SLC35F1: variants seen among roughly 807,000 people sequenced by gnomAD.
The protein encoded by SLC35F1 is solute carrier family 35 member F1.
SLC35F1 carries 14 observed loss-of-function variants against 48.7 expected under a neutral mutation model. The observed-to-expected ratio is 0.29, with a 90% CI of 0.19 to 0.45. SLC35F1 has a LOEUF of 0.45. Among genes scored for constraint, SLC35F1 ranks in the 20% least tolerant of loss-of-function variants. SLC35F1 has a pLI of 1.00. For missense variants in SLC35F1, 404 were observed against 500.0 expected (o/e 0.81, Z 1.83); for synonymous variants, 190 against 202.2 (o/e 0.94, Z 0.51).
At chr6:118,238,493 A>T (rs75252292) in intron 3 of SLC35F1, among the ~76,000 whole-genome samples, 1,996 of 151,736 alleles carry the variant, frequency 0.013, 28 homozygotes, top group African/African-American at 0.034. Flanking sequence ...TGGAACATCT[A>T]GTAAAAGGAT....
chr6:118,292,435 C>T (rs957646231), intron 7 of SLC35F1, among the ~76,000 whole-genome samples: 6 of 152,082 alleles, frequency 3.9e-5, no homozygotes, highest in Non-Finnish European at 5.9e-5. Context: ...GAGAGAGTAC[C>T]GAGGGGCCTC....
chr6:118,154,533 T>A lies in SLC35F1; in HGVS notation c.262T>A (p.Phe88Ile). 6.2e-7 allele frequency: 1 copy of A among 1,614,086 alleles called. No individual in the cohort carries two copies. Reference protein sequence around the residue: ...GLTSKYLSEDFHANTPVFQSF... With the variant: ...GLTSKYLSEDIHANTPVFQSF... ...GACTAGCAAGTATCTGTCAGAAGAT[T>A]TCCACGCCAACACACCAGTCTTCCA... Residue 88 changes from phenylalanine (F) to isoleucine (I), a missense_variant, in exon 2 of 8, where the codon TTC becomes ATC. Coordinates refer to ENST00000360388, the MANE Select transcript of SLC35F1 (RefSeq NM_001029858.4).
At chr6:118,134,335 C>T (rs1773761323) in intron 1 of SLC35F1, among the ~76,000 whole-genome samples, 1 of 152,172 alleles carries the variant, frequency 6.6e-6, no homozygotes, top group Admixed American at 6.5e-5. Flanking sequence ...ATGAAATTCT[C>T]CTCTCTGCCT....
chr6:117,990,316 T>C (rs9374693), intron 1 of SLC35F1, among the ~76,000 whole-genome samples: 91,611 of 151,760 alleles, frequency 0.6, 28,208 homozygotes, highest in East Asian at 0.78. Context: ...CTGGAGGCCA[T>C]TGGGAAGTGT....
intron 1 of SLC35F1, among the ~76,000 whole-genome samples, chr6:118,085,673 A>G (rs1225093487): frequency 6.8e-6 from 1 of 147,092 alleles, no homozygotes; most frequent in Non-Finnish European, 1.5e-5. Context: ...AAGATATGTC[A>G]TGCCAAATAT....
At chr6:117,971,617 C>G (rs1324675865) in intron 1 of SLC35F1, among the ~76,000 whole-genome samples, 3 of 152,242 alleles carry the variant, frequency 2.0e-5, no homozygotes, top group African/African-American at 7.2e-5. Context: ...TCCATACATC[C>G]TCTGAAATCT....
At chr6:118,204,728 C>A (rs1437929067) in intron 2 of SLC35F1, among the ~76,000 whole-genome samples, 1 of 152,192 alleles carries the variant, frequency 6.6e-6, no homozygotes, top group African/African-American at 2.4e-5. Flanking sequence ...ACAGAACCAC[C>A]TCTGTAACCA....
Position 118,314,617 on chromosome 6 carries a change from A to G in SLC35F1, c.*365A>G, listed in dbSNP as rs940857119. ...GAGGATGTTTTGTACTCCTGATGGAAACTATTGCCAGACCCACATGTAGTC... is the reference window on the plus strand; with the variant it reads ...GAGGATGTTTTGTACTCCTGATGGAGACTATTGCCAGACCCACATGTAGTC... On this transcript the variant is annotated 3_prime_UTR_variant, in exon 8 of 8. Transcript: ENST00000360388. The G allele has an allele frequency of 7.9e-6, 2 of 252,012 alleles. No homozygotes were observed. The highest frequency in any genetic ancestry group is 4.3e-5 in the African/African-American group (2 of 46,108). 15.6% of individuals were successfully genotyped at this position (252,012 alleles called of 1,614,324 possible). A position where few individuals can be genotyped will look rare whatever the true frequency, so the allele number is the denominator to read the frequency against.
intron 1 of SLC35F1, among the ~76,000 whole-genome samples, chr6:117,997,079 AG>A (rs1442026337): frequency 2.6e-5 from 4 of 152,188 alleles, no homozygotes; most frequent in African/African-American, 9.6e-5. Context: ...AAGTGCTTAA[AG>A]GAGCTGATGG....
intron 1 of SLC35F1, among the ~76,000 whole-genome samples, chr6:118,117,033 G>T (rs1773484651): frequency 6.6e-6 from 1 of 152,148 alleles, no homozygotes; most frequent in African/African-American, 2.4e-5. Context: ...ATTTGAGAGG[G>T]TTTGACTTTG....
At chr6:118,127,438 T>A (rs1773643605) in intron 1 of SLC35F1, among the ~76,000 whole-genome samples, 2 of 152,162 alleles carry the variant, frequency 1.3e-5, no homozygotes, top group South Asian at 4.1e-4. Context: ...TGGTCTAAAA[T>A]TCTCTTTTTT....
intron 1 of SLC35F1, among the ~76,000 whole-genome samples, chr6:118,070,209 C>T (rs993229413): frequency 3.3e-5 from 5 of 149,424 alleles, no homozygotes; most frequent in Admixed American, 3.3e-4. Context: ...ATACATTATG[C>T]AGTGGAGGCT....
intron 1 of SLC35F1, among the ~76,000 whole-genome samples, chr6:118,007,350 C>T (rs1777186785): frequency 1.3e-5 from 2 of 152,146 alleles, no homozygotes; most frequent in Non-Finnish European, 2.9e-5. Flanking sequence ...TAAATTTTAA[C>T]ATGAGTTTTG....
intron 7 of SLC35F1, among the ~76,000 whole-genome samples, chr6:118,297,642 A>AAAT (rs1562354672): frequency 1.1e-4 from 4 of 37,458 alleles, no homozygotes; most frequent in African/African-American, 5.0e-4. Context: ...ATATATAAAA[A>AAAT]ATATATATAT....
At chr6:118,021,214 G>A (rs774709183) in intron 1 of SLC35F1, among the ~76,000 whole-genome samples, 1 of 152,138 alleles carries the variant, frequency 6.6e-6, no homozygotes, top group African/African-American at 2.4e-5. Context: ...CTTGCAACAA[G>A]CAGTAATTGG....
chr6:118,080,391 C>T (rs1385842148), intron 1 of SLC35F1, among the ~76,000 whole-genome samples: 1 of 152,146 alleles, frequency 6.6e-6, no homozygotes, highest in Non-Finnish European at 1.5e-5. Context: ...GAGAGATTTT[C>T]AGTGTCCTTC....
intron 1 of SLC35F1, among the ~76,000 whole-genome samples, chr6:118,065,079 C>T (rs113524282): frequency 0.015 from 2,213 of 152,228 alleles, 61 homozygotes; most frequent in African/African-American, 0.05. Context: ...TGATCTTCCA[C>T]TAGAGGTTGA....
chr6:118,003,928 T>G (rs1357855119), intron 1 of SLC35F1, among the ~76,000 whole-genome samples: 13 of 152,210 alleles, frequency 8.5e-5, no homozygotes, highest in Admixed American at 8.5e-4. Context: ...CTCAGTATCC[T>G]TATTCATGAA....
chr6:117,923,668 CAT>C lies in SLC35F1; in HGVS notation c.173+15774_173+15775del, dbSNP rs59806461. 7.0e-4 allele frequency among the ~76,000 whole-genome samples: 23 copies of C among 32,720 alleles called. 9 individuals are homozygous for C. The highest frequency in any genetic ancestry group is 3.2e-3 in the African/African-American group (22 of 6,906). 21.5% of individuals were successfully genotyped at this position (32,720 alleles called of 152,430 possible). ...GTACATATGTACATATGTATATATA[CAT>C]ATATGTACATATATACATATGTACA... On this transcript the variant is annotated intron_variant, in intron 1 of 7. Transcript: ENST00000360388.
Sources: gnomAD v4.1 joint callset for allele counts (sites outside exome capture counted in the v4.1 genomes callset) on GRCh38, gnomAD v4.1.1 for gene constraint, MANE v1.5 for transcripts, NCBI Gene and HGNC (gene_info 2026-07-23, HGNC 2026-07-21) for gene names.